PTK2: variants seen among roughly 807,000 people sequenced by gnomAD.
PTK2 encodes focal adhesion kinase 1.
A neutral mutation model predicts 150.1 loss-of-function variants in PTK2; 45 were observed. The observed-to-expected ratio is 0.30, with a 90% CI of 0.24 to 0.38. The LOEUF is 0.38. Among genes scored for constraint, PTK2 ranks in the 10% least tolerant of loss-of-function variants. The pLI is 1.00. For missense variants in PTK2, 919 were observed against 1,307.3 expected, an observed-to-expected ratio of 0.70 and a Z score of 4.58; for synonymous variants, 432 against 449.2, an observed-to-expected ratio of 0.96 and a Z score of 0.48.
At chr8:140,692,842 T>G (rs1350899697) in intron 26 of PTK2, among the ~76,000 whole-genome samples, 1 of 152,228 alleles carries the variant, frequency 6.6e-6, no homozygotes, top group Non-Finnish European at 1.5e-5. Context: ...GACAGCAGCC[T>G]GGCTTCAGAC....
chr8:140,940,435 C>T (rs11774024), intron 1 of PTK2: 63,419 of 151,672 alleles, frequency 0.42, 15,169 homozygotes, highest in Non-Finnish European at 0.55. Flanking sequence ...GGTGACAAAG[C>T]GAGACTCTGT....
At chr8:140,722,790 A>G (rs1188745175) in intron 22 of PTK2, among the ~76,000 whole-genome samples, 2 of 152,212 alleles carry the variant, frequency 1.3e-5, no homozygotes, top group African/African-American at 4.8e-5. Context: ...ACAGGTAAAA[A>G]GTCCATAAAA....
intron 9 of PTK2, among the ~76,000 whole-genome samples, chr8:140,818,620 G>A (rs996631588): frequency 6.6e-6 from 1 of 152,152 alleles, no homozygotes; most frequent in African/African-American, 2.4e-5. Context: ...CTAGCCCTTA[G>A]AGAACAATTA....
intron 26 of PTK2, among the ~76,000 whole-genome samples, chr8:140,695,167 T>C (rs2100025768): frequency 6.6e-6 from 1 of 152,216 alleles, no homozygotes; most frequent in Non-Finnish European, 1.5e-5. Context: ...TAGCACAATG[T>C]TATTTTTGGT....
intron 14 of PTK2, among the ~76,000 whole-genome samples, chr8:140,769,002 A>G (rs1221730134): frequency 6.6e-6 from 1 of 152,152 alleles, no homozygotes; most frequent in African/African-American, 2.4e-5. Flanking sequence ...AGGAGGATAA[A>G]GTTTCATGCA....
Position 140,668,216 on chromosome 8 carries a change from G to T in PTK2, c.2865+53C>A, listed in dbSNP as rs1000793166. ...GAGACATCTATCAACTGGCACCACA[G>T]CTTACAGGAAACAAGAACATTTTTG... On this transcript the variant is annotated intron_variant, in intron 30 of 31. Coordinates refer to ENST00000522684, the Ensembl canonical transcript of PTK2. 10 of 1,604,412 alleles carry T rather than the reference G, an allele frequency of 6.2e-6. No individual in the cohort carries two copies. The Admixed American group carries it at 1.7e-4, about 27-fold the overall frequency.
rs535693136 is a variant in PTK2, at chr8:140,738,212, C to A, written c.1825+806G>T. On this transcript the variant is annotated intron_variant, in intron 21 of 31. Coordinates refer to ENST00000522684, the Ensembl canonical transcript of PTK2. ...TAGGAAAGGTAAAGAAAGGAAGAAGCCTTCAAGGACATTTAAGGTGGACCT... is the reference window on the plus strand; with the variant it reads ...TAGGAAAGGTAAAGAAAGGAAGAAGACTTCAAGGACATTTAAGGTGGACCT... Among the ~76,000 whole-genome samples, 5 of 152,084 alleles carry A rather than the reference C, an allele frequency of 3.3e-5. No homozygotes were observed. In the East Asian group the frequency reaches 5.8e-4, roughly 18 times the overall value.
At chr8:140,766,185 G>C (rs972056689) in intron 14 of PTK2, among the ~76,000 whole-genome samples, 1 of 152,154 alleles carries the variant, frequency 6.6e-6, no homozygotes, top group Non-Finnish European at 1.5e-5. Context: ...ATGGTGTTAC[G>C]AAGCAGATGT....
At chr8:140,853,941 G>C (rs1034527887) in intron 5 of PTK2, among the ~76,000 whole-genome samples, 1 of 152,104 alleles carries the variant, frequency 6.6e-6, no homozygotes, top group Non-Finnish European at 1.5e-5. Context: ...AGAAAATATA[G>C]AGAAGGAAGT....
rs576453782 is a variant in PTK2 at position 140,807,503 on chromosome 8, A to G, written c.868-3853T>C. Among the ~76,000 whole-genome samples, 3 of 152,328 alleles carry G rather than the reference A, an allele frequency of 2.0e-5. No individual in the cohort carries two copies. The East Asian group carries it at 5.8e-4, about 29-fold the overall frequency. ...GCATGTAAGTGGTCATTACAAGGGC[A>G]AAAAGAGAGGGAAAGAGCACTTGAG... On this transcript the variant is annotated intron_variant, in intron 10 of 31. Transcript: ENST00000522684.
chr8:140,722,995 G>A (rs914608072), intron 22 of PTK2, among the ~76,000 whole-genome samples: 1 of 152,124 alleles, frequency 6.6e-6, no homozygotes, highest in East Asian at 1.9e-4. Context: ...TGATCTTAAG[G>A]CTACTTACTG....
At chr8:140,849,714 C>T (rs4493952) in intron 5 of PTK2, among the ~76,000 whole-genome samples, 146,099 of 152,326 alleles carry the variant, frequency 0.96, 70,270 homozygotes, top group Non-Finnish European at 1. Flanking sequence ...CCAGTTACTA[C>T]GCTAAGCATT....
At chr8:140,971,751 A>G (rs1366000394) in intron 1 of PTK2, among the ~76,000 whole-genome samples, 2 of 152,246 alleles carry the variant, frequency 1.3e-5, no homozygotes, top group Non-Finnish European at 2.9e-5. Context: ...ACAAAAAGCA[A>G]GATTTCAATT....
At chr8:140,722,578 C>T (rs2100043547) in intron 22 of PTK2, among the ~76,000 whole-genome samples, 1 of 152,186 alleles carries the variant, frequency 6.6e-6, no homozygotes, top group Admixed American at 6.5e-5. Flanking sequence ...CCTGTTCTCT[C>T]AACTGGCCAA....
chr8:140,964,540 C>T (rs939604403), intron 1 of PTK2, among the ~76,000 whole-genome samples: 6 of 149,010 alleles, frequency 4.0e-5, no homozygotes, highest in Non-Finnish European at 5.9e-5. Flanking sequence ...ACCCCCAGCC[C>T]CAGGTAATTT....
chr8:140,674,246 G>A, intron 29 of PTK2, 52 bp downstream of exon 32: 2 of 1,496,372 alleles, frequency 1.3e-6, no homozygotes, highest in South Asian at 1.2e-5. Context: ...GAGAACTAGG[G>A]GACACCACAA....
chr8:140,999,927 C>T (rs2100199328), intron 1 of PTK2, among the ~76,000 whole-genome samples: 2 of 151,218 alleles, frequency 1.3e-5, no homozygotes, highest in Admixed American at 1.3e-4. Flanking sequence ...CCCATAATTA[C>T]TACAATATTA....
intron 1 of PTK2, among the ~76,000 whole-genome samples, chr8:140,935,371 C>G (rs1482547795): frequency 6.6e-6 from 1 of 152,036 alleles, no homozygotes; most frequent in Non-Finnish European, 1.5e-5. Flanking sequence ...AGGTAAGCAC[C>G]TATGCCTCAG....
intron 1 of PTK2, among the ~76,000 whole-genome samples, chr8:140,999,360 T>G (rs1161873353): frequency 6.6e-6 from 1 of 152,204 alleles, no homozygotes; most frequent in Non-Finnish European, 1.5e-5. Context: ...GACCTGAAAT[T>G]CTTTAAAGGA....
Sources: allele counts gnomAD v4.1 joint callset (sites outside exome capture counted in the v4.1 genomes callset), GRCh38; gene constraint gnomAD v4.1.1; transcripts MANE v1.5; gene names NCBI Gene and HGNC (gene_info 2026-07-23, HGNC 2026-07-21).